Variants in PTK2 observed in about 807,000 individuals in gnomAD.
The protein encoded by PTK2 is protein tyrosine kinase 2.
Under a neutral mutation model 150.1 loss-of-function variants are expected in PTK2, and 45 were observed. The observed-to-expected ratio is 0.30, with a 90% CI of 0.24 to 0.38. The LOEUF (loss-of-function observed/expected upper bound fraction) is 0.38, where lower values mean the gene tolerates loss of function less well. PTK2 is among the 10% of genes least tolerant of loss of function. The probability of loss-of-function intolerance (pLI) is 1.00; values close to 1 mark genes in which losing one functional copy is unlikely to be tolerated. For synonymous variants in PTK2, 432 were observed against 449.2 expected (o/e 0.96, Z 0.48); for missense variants, 919 against 1,307.3 (o/e 0.70, Z 4.58).
At chr8:140,741,131 G>A (rs2100055399) in intron 20 of PTK2, among the ~76,000 whole-genome samples, 1 of 151,530 alleles carries the variant, frequency 6.6e-6, no homozygotes, top group Non-Finnish European at 1.5e-5. Context: ...ACGACAGAAC[G>A]AGACCCTGTC....
intron 12 of PTK2, among the ~76,000 whole-genome samples, chr8:140,794,706 T>C (rs1032657944): frequency 3.3e-5 from 5 of 152,312 alleles, no homozygotes; most frequent in Admixed American, 3.3e-4. Context: ...TTATTGGTTC[T>C]TCCTTATCTC....
chr8:140,736,940 T>A (rs185528138), intron 21 of PTK2, among the ~76,000 whole-genome samples: 52 of 152,318 alleles, frequency 3.4e-4, no homozygotes, highest in Middle Eastern at 3.4e-3. Flanking sequence ...GCAAAGCATA[T>A]TATCATCTTG....
At chr8:140,660,674 C>T (rs1288140136) in intron 31 of PTK2, 1 of 452,786 alleles carries the variant, frequency 2.2e-6, no homozygotes, top group Non-Finnish European at 4.4e-6. Flanking sequence ...TGTAGTGAGC[C>T]AAGATCGTGC....
intron 12 of PTK2, 106 bp downstream of exon 12, chr8:140,800,353 C>T (rs1208120592): frequency 1.1e-6 from 1 of 917,776 alleles, no homozygotes; most frequent in East Asian, 2.4e-5. Flanking sequence ...TTCATTTGGT[C>T]TTCATTTTTA....
intron 20 of PTK2, among the ~76,000 whole-genome samples, chr8:140,741,323 TG>T (rs1287351984): frequency 6.6e-6 from 1 of 151,150 alleles, no homozygotes; most frequent in East Asian, 1.9e-4. Flanking sequence ...GGCGTGGTGG[TG>T]GGCACCTGTA....
intron 1 of PTK2, among the ~76,000 whole-genome samples, chr8:140,927,940 G>GAAAAA (rs779534564): frequency 5.5e-5 from 2 of 36,274 alleles, no homozygotes; most frequent in African/African-American, 1.1e-4. Context: ...ATCTCAAAAA[G>GAAAAA]AAAAAAAAAA....
intron 5 of PTK2, among the ~76,000 whole-genome samples, chr8:140,860,016 T>A (rs1423983484): frequency 6.6e-6 from 1 of 152,208 alleles, no homozygotes; most frequent in Non-Finnish European, 1.5e-5. Flanking sequence ...TCTTGCCAGA[T>A]CAGGCTAAAA....
intron 5 of PTK2, among the ~76,000 whole-genome samples, chr8:140,856,314 T>C (rs1465103832): frequency 6.6e-6 from 1 of 152,152 alleles, no homozygotes; most frequent in Non-Finnish European, 1.5e-5. Flanking sequence ...TCCCAGCCCA[T>C]GTTCACAAAA....
At chr8:140,955,006 A>G (rs2100180766) in intron 1 of PTK2, among the ~76,000 whole-genome samples, 1 of 152,232 alleles carries the variant, frequency 6.6e-6, no homozygotes, top group African/African-American at 2.4e-5. Flanking sequence ...TCAAACCCGT[A>G]TTTTAGTTGA....
chr8:140,994,977 AG>A (rs2100197063), intron 1 of PTK2, among the ~76,000 whole-genome samples: 1 of 151,460 alleles, frequency 6.6e-6, no homozygotes, highest in Non-Finnish European at 1.5e-5. Context: ...CCAGCTACTC[AG>A]GAGGTTGAGT....
intron 1 of PTK2, among the ~76,000 whole-genome samples, chr8:140,927,969 A>AT (rs1569055667): frequency 9.3e-5 from 7 of 74,952 alleles, no homozygotes; most frequent in Admixed American, 5.2e-4. Flanking sequence ...AAAAAAAAAA[A>AT]AAAAAAATAT....
intron 20 of PTK2, among the ~76,000 whole-genome samples, chr8:140,742,559 C>T (rs2100056354): frequency 6.6e-6 from 1 of 152,180 alleles, no homozygotes; most frequent in African/African-American, 2.4e-5. Context: ...CAGGTATGTA[C>T]TGTAATCCCA....
chr8:140,713,286 A>T (rs2100037798), intron 23 of PTK2, among the ~76,000 whole-genome samples: 1 of 152,106 alleles, frequency 6.6e-6, no homozygotes, highest in Admixed American at 6.6e-5. Flanking sequence ...TTTGAGACAG[A>T]GTCTTGCTCT....
chr8:140,847,603 T>C (rs2100126360), intron 5 of PTK2, among the ~76,000 whole-genome samples: 1 of 152,216 alleles, frequency 6.6e-6, no homozygotes, highest in Admixed American at 6.5e-5. Context: ...GCAGTACACC[T>C]GTGTTACAAG....
intron 1 of PTK2, among the ~76,000 whole-genome samples, chr8:140,969,156 A>G (rs2100186335): frequency 6.6e-6 from 1 of 152,204 alleles, no homozygotes; most frequent in Non-Finnish European, 1.5e-5. Flanking sequence ...AATTCAAACC[A>G]CCACCACATC....
chr8:140,721,067 C>G (rs926394003), intron 22 of PTK2, among the ~76,000 whole-genome samples: 4 of 149,584 alleles, frequency 2.7e-5, no homozygotes, highest in African/African-American at 1.0e-4. Context: ...TCCTACCTTT[C>G]TTTCTTTATT....
chr8:140,758,077 T>C (rs1169836948), intron 16 of PTK2, among the ~76,000 whole-genome samples: 3 of 152,210 alleles, frequency 2.0e-5, no homozygotes, highest in African/African-American at 7.2e-5. Context: ...TTAATTGTTA[T>C]CTTAGAGTGT....
intron 27 of PTK2, among the ~76,000 whole-genome samples, chr8:140,684,336 C>T (rs1442088917): frequency 2.0e-5 from 3 of 152,246 alleles, no homozygotes; most frequent in Non-Finnish European, 4.4e-5. Context: ...ATAGGGTTCA[C>T]ATGCCTACGA....
chr8:140,868,459 G>C (rs1269222958), intron 4 of PTK2, among the ~76,000 whole-genome samples: 1 of 152,226 alleles, frequency 6.6e-6, no homozygotes, highest in Non-Finnish European at 1.5e-5. Flanking sequence ...GGGTGAAAGT[G>C]AGAAACAGAA....
Sources: allele counts gnomAD v4.1 joint callset (sites outside exome capture counted in the v4.1 genomes callset), GRCh38; gene constraint gnomAD v4.1.1; transcripts MANE v1.5; gene names NCBI Gene and HGNC (gene_info 2026-07-23, HGNC 2026-07-21).